Variants in TIAM2 observed in about 807,000 individuals in gnomAD.
TIAM2 encodes rho guanine nucleotide exchange factor TIAM2.
TIAM2 carries 80 observed loss-of-function variants against 152.9 expected under a neutral mutation model. The ratio of observed to expected loss-of-function variants is 0.52; its 90% CI spans 0.44 to 0.63. The LOEUF is 0.63. Among genes scored for constraint, TIAM2 ranks in the 30% least tolerant of loss-of-function variants. The pLI is 0.00. For missense variants in TIAM2, 1,965 were observed against 2,120.1 expected, an observed-to-expected ratio of 0.93 and a Z score of 1.44; for synonymous variants, 804 against 838.0, an observed-to-expected ratio of 0.96 and a Z score of 0.70.
chr6:155,010,126 A>G (rs1778462734), intron 1 of TIAM2, among the ~76,000 whole-genome samples: 1 of 152,156 alleles, frequency 6.6e-6, no homozygotes, highest in Non-Finnish European at 1.5e-5. Flanking sequence ...GTGAGCCACC[A>G]CGGCTGGCCA....
rs1404827179 is a variant in TIAM2 at position 155,172,682 on chromosome 6, A to G, written c.2362-4134A>G. On this transcript the variant is annotated intron_variant, in intron 9 of 26. Coordinates refer to ENST00000682666, the MANE Select transcript of TIAM2 (RefSeq NM_012454.4). ...TATATATATATATATATATATATAT[A>G]TATATTTTTTTTTTTTTTTTTTTTT... Among the ~76,000 whole-genome samples the G allele has an allele frequency of 8.4e-4, 11 of 13,106 alleles. No homozygotes were observed. The Admixed American group carries it at 0.01, about 12-fold the overall frequency. The allele number at this position is 13,106 out of a possible 152,430, so 8.6% of individuals were successfully genotyped here.
chr6:155,172,234 ATGGCCAGTTG>A, intron 9 of TIAM2, among the ~76,000 whole-genome samples: 1 of 152,064 alleles, frequency 6.6e-6, no homozygotes, highest in African/African-American at 2.4e-5. Flanking sequence ...CCGTGTCGTG[ATGGCCAGTTG>A]GAGCTGACTG....
At position 155,006,855 on chromosome 6, in the gene TIAM2, AT is replaced by A. The variant is rs991720041; in HGVS notation, c.-209+11370del. ...AAGTGCCCACCACCACACCCAGCTA[AT>A]TTTTTTGTATTTTTAGTAGAGATGA... On this transcript the variant is annotated intron_variant, in intron 1 of 26. Transcript: ENST00000682666. 2.0e-5 allele frequency among the ~76,000 whole-genome samples: 3 copies of A among 151,678 alleles called. No homozygotes were observed. The South Asian group carries it at 6.3e-4, about 32-fold the overall frequency.
chr6:155,245,754 A>ATTTTTTTTT, intron 19 of TIAM2, 23 bp downstream of exon 19: 6 of 562,884 alleles, frequency 1.1e-5, no homozygotes, highest in Non-Finnish European at 1.5e-5. Context: ...TGCCTTTTAT[A>ATTTTTTTTT]GTTTTTTTTT....
At chr6:155,200,923 A>G (rs1724102428) in intron 14 of TIAM2, among the ~76,000 whole-genome samples, 1 of 151,960 alleles carries the variant, frequency 6.6e-6, no homozygotes, top group Admixed American at 6.6e-5. Context: ...AAAATAAATA[A>G]ACAATAAATA....
chr6:155,240,813 C>A, intron 16 of TIAM2, 104 bp downstream of exon 16: 1 of 1,220,520 alleles, frequency 8.2e-7, no homozygotes, highest in Non-Finnish European at 1.1e-6. Context: ...ACCTGCCACT[C>A]CCCAGGGGGG....
At chr6:155,177,150 A>G (rs1342700809) in intron 10 of TIAM2, among the ~76,000 whole-genome samples, 173 bp downstream of exon 10, 7 of 152,214 alleles carry the variant, frequency 4.6e-5, no homozygotes, top group Non-Finnish European at 4.4e-5. Flanking sequence ...TTTGCATTCT[A>G]TTCCTTGATC....
chr6:155,244,611 G>A (rs758252329), intron 17 of TIAM2, 47 bp from the exon 18 acceptor site: 9 of 1,600,038 alleles, frequency 5.6e-6, no homozygotes, highest in Admixed American at 3.4e-5. Context: ...GTGGTGTCCT[G>A]AACTTCATGG....
chr6:155,058,994 A>T (rs1167879061), intron 1 of TIAM2, among the ~76,000 whole-genome samples: 1 of 152,178 alleles, frequency 6.6e-6, no homozygotes, highest in Non-Finnish European at 1.5e-5. Flanking sequence ...TTGAAAGATT[A>T]TTGGGAATTA....
At chr6:155,017,429 G>A (rs949590319) in intron 1 of TIAM2, among the ~76,000 whole-genome samples, 1 of 151,898 alleles carries the variant, frequency 6.6e-6, no homozygotes, top group Non-Finnish European at 1.5e-5. Flanking sequence ...CTTGGGTGGG[G>A]CAGCAGCTTC....
intron 17 of TIAM2, 151 bp from the exon 18 acceptor site, chr6:155,244,507 A>T: frequency 1.1e-6 from 1 of 912,868 alleles, no homozygotes; most frequent in Non-Finnish European, 1.7e-6. Context: ...GCCATATCCC[A>T]TAATGAATGT....
intron 7 of TIAM2, among the ~76,000 whole-genome samples, chr6:155,163,174 G>T (rs1780320409): frequency 6.6e-6 from 1 of 152,174 alleles, no homozygotes; most frequent in African/African-American, 2.4e-5. Flanking sequence ...CAACATGGCA[G>T]AACTAGAGAT....
At chr6:155,042,767 C>T (rs756348212) in intron 1 of TIAM2, among the ~76,000 whole-genome samples, 8 of 147,958 alleles carry the variant, frequency 5.4e-5, no homozygotes, top group Admixed American at 6.7e-5. Flanking sequence ...TTATTTTTTG[C>T]GGTGAGAACG....
At chr6:155,240,485 A>C (rs1361969008) in intron 15 of TIAM2, 45 bp from the exon 16 acceptor site, 2 of 1,559,218 alleles carry the variant, frequency 1.3e-6, no homozygotes, top group South Asian at 1.2e-5. Context: ...GGATACTATC[A>C]GGGAGAGGCC....
At chr6:155,126,416 C>T (rs1028121377) in intron 2 of TIAM2, among the ~76,000 whole-genome samples, 1 of 152,120 alleles carries the variant, frequency 6.6e-6, no homozygotes. Context: ...AGTGTACTTA[C>T]TGCTGCCCTG....
intron 1 of TIAM2, among the ~76,000 whole-genome samples, chr6:155,078,800 CT>C (rs1562309464): frequency 6.6e-6 from 1 of 152,148 alleles, no homozygotes; most frequent in Admixed American, 6.5e-5. Flanking sequence ...TCTTCAAATC[CT>C]TTTTAAAGTT....
chr6:155,037,926 C>T (rs1376363532), intron 1 of TIAM2, among the ~76,000 whole-genome samples: 1 of 152,132 alleles, frequency 6.6e-6, no homozygotes, highest in Non-Finnish European at 1.5e-5. Context: ...GCTCTTCATT[C>T]TGTGTTTGGA....
At chr6:155,071,022 A>G (rs1238782968) in intron 1 of TIAM2, among the ~76,000 whole-genome samples, 1 of 152,188 alleles carries the variant, frequency 6.6e-6, no homozygotes, top group Non-Finnish European at 1.5e-5. Flanking sequence ...TAATGAAAAA[A>G]ATTCGTGGGA....
In TIAM2 at chr6:155,025,267, C is replaced by T. The variant is rs1361798424; in HGVS notation, c.-209+29775C>T. 4.0e-5 allele frequency among the ~76,000 whole-genome samples: 6 copies of T among 151,276 alleles called. No homozygotes were observed. In the East Asian group the frequency reaches 5.8e-4, roughly 15 times the overall value. On this transcript the variant is annotated intron_variant, in intron 1 of 26. Transcript: ENST00000682666. ...GGAGTGCAGTGGCATGATCTCAGCT[C>T]GCTGCAAGCTCTGCCTCCCGGGTTC...
Sources: gnomAD v4.1 joint callset for allele counts (sites outside exome capture counted in the v4.1 genomes callset) on GRCh38, gnomAD v4.1.1 for gene constraint, MANE v1.5 for transcripts, NCBI Gene and HGNC (gene_info 2026-07-23, HGNC 2026-07-21) for gene names.